CTNNBL1: variants seen among roughly 807,000 people sequenced by gnomAD.
CTNNBL1 encodes beta-catenin-like protein 1.
A neutral mutation model predicts 72.7 loss-of-function variants in CTNNBL1; 31 were observed. That is an observed-to-expected ratio of 0.43 (90% CI 0.32 to 0.58). The LOEUF (loss-of-function observed/expected upper bound fraction) is 0.58. Among genes scored for constraint, CTNNBL1 ranks in the 20% least tolerant of loss-of-function variants. The probability of loss-of-function intolerance (pLI) is 0.08; values close to 1 mark genes in which losing one functional copy is unlikely to be tolerated. For synonymous variants in CTNNBL1, 240 were observed against 267.3 expected (o/e 0.90, Z 1.00); for missense variants, 534 against 725.1 (o/e 0.74, Z 3.03).
At chr20:37,764,935 A>G (rs1425614006) in intron 5 of CTNNBL1, among the ~76,000 whole-genome samples, 1 of 152,046 alleles carries the variant, frequency 6.6e-6, no homozygotes, top group African/African-American at 2.4e-5. Context: ...CAACCTTTTA[A>G]CCTTGAATTT....
In CTNNBL1 at chr20:37,765,282, A is replaced by G. The variant is rs2073456756; in HGVS notation, c.650A>G (p.Asn217Ser). 3.9e-6 allele frequency: 6 copies of G among 1,549,270 alleles called. No homozygotes were observed. Among genetic ancestry groups the G allele is most frequent in the Non-Finnish European group, 3.5e-6 (4 of 1,144,828 alleles). The change falls in exon 6 of 16, where the codon AAC (asparagine) becomes AGC (serine). Residue 217 changes from asparagine to serine, a missense_variant. Transcript: ENST00000361383. The stretch of plus-strand genomic sequence containing the variant: ...AAAGAGGAGGCAGATGGCGTCCACA[A>G]CACTCTGGGTGAGAGGAAGGGTGCT... ...SVKEEADGVH[N>S]TLAIVENMAE...
At chr20:37,764,139 T>G (rs1042243727) in intron 5 of CTNNBL1, among the ~76,000 whole-genome samples, 2 of 152,174 alleles carry the variant, frequency 1.3e-5, no homozygotes, top group African/African-American at 4.8e-5. Context: ...TAAGGCCTGT[T>G]ACATATTTTC....
intron 1 of CTNNBL1, among the ~76,000 whole-genome samples, chr20:37,723,496 G>A (rs867307132): frequency 2.8e-4 from 43 of 152,188 alleles, no homozygotes; most frequent in Middle Eastern, 6.8e-3. Context: ...GGGATTTTGA[G>A]GAGCGCTTGA....
intron 7 of CTNNBL1, 70 bp downstream of exon 7, chr20:37,768,114 T>A: frequency 7.9e-7 from 1 of 1,262,356 alleles, no homozygotes. Flanking sequence ...GCTGGGTTAT[T>A]GGCATAGACT....
chr20:37,735,116 A>G (rs2073160820), intron 2 of CTNNBL1, among the ~76,000 whole-genome samples: 1 of 152,196 alleles, frequency 6.6e-6, no homozygotes, highest in Admixed American at 6.5e-5. Context: ...GCTTGCATTC[A>G]TGTAGTTTAC....
At chr20:37,850,755 A>G (rs932850844) in intron 13 of CTNNBL1, among the ~76,000 whole-genome samples, 2 of 152,216 alleles carry the variant, frequency 1.3e-5, no homozygotes, top group Non-Finnish European at 2.9e-5. Context: ...GAAAGAAACT[A>G]GCATTTTCCA....
At chr20:37,846,310 G>A (rs1000395446) in intron 13 of CTNNBL1, among the ~76,000 whole-genome samples, 3 of 152,106 alleles carry the variant, frequency 2.0e-5, no homozygotes, top group Non-Finnish European at 2.9e-5. Flanking sequence ...AGTGAAGGGG[G>A]AGAGAAGAGG....
At chr20:37,756,285 T>C (rs1261643489) in intron 4 of CTNNBL1, 1 of 152,278 alleles carries the variant, frequency 6.6e-6, no homozygotes, top group Non-Finnish European at 1.5e-5. Flanking sequence ...CTTTCTCATT[T>C]TACAGATGAG....
intron 7 of CTNNBL1, among the ~76,000 whole-genome samples, chr20:37,769,720 G>A (rs958507563): frequency 6.6e-6 from 1 of 152,314 alleles, no homozygotes; most frequent in Admixed American, 6.5e-5. Flanking sequence ...CCCTCAGGCA[G>A]GCAAGGATCC....
intron 8 of CTNNBL1, 25 bp downstream of exon 8, chr20:37,777,442 A>G (rs1368080248): frequency 6.2e-7 from 1 of 1,607,970 alleles, no homozygotes. Context: ...CAGTATTGAT[A>G]TTCTGTTAGG....
chr20:37,768,352 C>G (rs573518031), intron 7 of CTNNBL1, among the ~76,000 whole-genome samples: 5 of 152,286 alleles, frequency 3.3e-5, no homozygotes, highest in African/African-American at 1.2e-4. Flanking sequence ...TCACTGTTAA[C>G]AATATTATAT....
intron 7 of CTNNBL1, among the ~76,000 whole-genome samples, chr20:37,768,516 A>G (rs1272573432): frequency 1.3e-5 from 2 of 152,212 alleles, no homozygotes; most frequent in Admixed American, 1.3e-4. Context: ...TAATCTCATC[A>G]TTCCCACTGG....
chr20:37,788,255 T>G (rs2073695476), intron 10 of CTNNBL1, among the ~76,000 whole-genome samples: 1 of 152,204 alleles, frequency 6.6e-6, no homozygotes, highest in East Asian at 1.9e-4. Context: ...ACTGTAATAC[T>G]TTTCAGAGTA....
chr20:37,710,572 C>A (rs183732254), intron 1 of CTNNBL1, among the ~76,000 whole-genome samples: 3 of 152,160 alleles, frequency 2.0e-5, no homozygotes, highest in African/African-American at 2.4e-5. Flanking sequence ...TTGCCCCCCC[C>A]ACTGCCATCC....
intron 13 of CTNNBL1, among the ~76,000 whole-genome samples, chr20:37,855,777 C>T (rs562140874): frequency 1.3e-5 from 2 of 152,368 alleles, no homozygotes; most frequent in South Asian, 2.1e-4. Flanking sequence ...CTCTGGCCAG[C>T]CTGTATGCCT....
At chr20:37,699,764 C>T (rs997001069) in intron 1 of CTNNBL1, among the ~76,000 whole-genome samples, 2 of 152,122 alleles carry the variant, frequency 1.3e-5, no homozygotes, top group African/African-American at 4.8e-5. Flanking sequence ...CTAACCAGAT[C>T]CCAGGTGATG....
chr20:37,861,834 A>G (rs958045246), intron 15 of CTNNBL1, among the ~76,000 whole-genome samples: 1 of 152,180 alleles, frequency 6.6e-6, no homozygotes, highest in African/African-American at 2.4e-5. Context: ...GTGTTACAAA[A>G]TACCAGGAAG....
At chr20:37,829,601 T>A (rs1418634593) in intron 11 of CTNNBL1, among the ~76,000 whole-genome samples, 3 of 152,190 alleles carry the variant, frequency 2.0e-5, no homozygotes, top group Non-Finnish European at 4.4e-5. Context: ...TTGATCTCTT[T>A]CCAGTTCTTT....
At position 37,694,088 on chromosome 20, in the gene CTNNBL1, T is replaced by G; in HGVS notation, c.-35T>G. 1.2e-6 allele frequency: 2 copies of G among 1,600,236 alleles called. No individual in the cohort carries two copies. Among genetic ancestry groups the G allele is most frequent in the African/African-American group, 1.4e-5 (1 of 74,060 alleles). On this transcript the variant is annotated 5_prime_UTR_variant, in exon 1 of 16. Transcript: ENST00000361383. ...GACGGGCCCGCGGTCTGGGCGTGAG[T>G]GCAGGGAAGTGGAGTATTTGCTGGG... is the stretch of plus-strand genomic sequence containing the variant.
Sources: gnomAD v4.1 joint callset for allele counts (sites outside exome capture counted in the v4.1 genomes callset) on GRCh38, gnomAD v4.1.1 for gene constraint, MANE v1.5 for transcripts, NCBI Gene and HGNC (gene_info 2026-07-23, HGNC 2026-07-21) for gene names.